The following TRAM2 variants were observed in gnomAD, a reference collection of about 807,000 sequenced individuals.
The protein encoded by TRAM2 is translocating chain-associated membrane protein 2.
In TRAM2, 12 loss-of-function variants were observed where a neutral mutation model predicts 51.0. That is an observed-to-expected ratio of 0.24 (90% CI 0.15 to 0.38). The LOEUF is 0.38. Ranked by LOEUF, TRAM2 falls within the 10% of genes least tolerant of loss-of-function variation. The probability of loss-of-function intolerance (pLI) is 1.00; values close to 1 mark genes in which losing one functional copy is unlikely to be tolerated. For missense variants in TRAM2, 361 were observed against 462.0 expected, an observed-to-expected ratio of 0.78 and a Z score of 2.00; for synonymous variants, 175 against 179.4, an observed-to-expected ratio of 0.98 and a Z score of 0.20.
At chr6:52,510,566 G>T (rs1766433075) in intron 4 of TRAM2, among the ~76,000 whole-genome samples, 1 of 152,156 alleles carries the variant, frequency 6.6e-6, no homozygotes, top group African/African-American at 2.4e-5. Context: ...ACCTCTGAAA[G>T]GCCACAATCT....
chr6:52,564,774 T>C (rs1265758195), intron 1 of TRAM2, among the ~76,000 whole-genome samples: 1 of 152,074 alleles, frequency 6.6e-6, no homozygotes, highest in Non-Finnish European at 1.5e-5. Context: ...GGTCCAAGTC[T>C]GGCTGAATGA....
Position 52,504,695 on chromosome 6 carries a change from T to A in TRAM2, c.935A>T (p.His312Leu). Residue 312 changes from histidine to leucine, a missense_variant, in exon 10 of 11, where the codon CAC becomes CTC. His to Leu is a moderately conservative substitution (Grantham distance 99). Coordinates refer to ENST00000182527, the MANE Select transcript of TRAM2 (RefSeq NM_012288.4). ...AQAWLMWRFI[H>L]SQLRHWREYW... Reference sequence around the variant, plus strand: ...TTCCCGCCAGTGCCGCAGCTGGGAGTGGATGAAGCGCCACATGAGCCAGGC... The same window carrying A: ...TTCCCGCCAGTGCCGCAGCTGGGAGAGGATGAAGCGCCACATGAGCCAGGC... The A allele has an allele frequency of 6.2e-7, 1 of 1,612,716 alleles. No individual in the cohort carries two copies. The highest frequency in any genetic ancestry group is 2.2e-5 in the East Asian group (1 of 44,828).
rs919146874 is a variant in TRAM2, at chr6:52,501,100, G to A, written c.*2097C>T. 6.6e-6 allele frequency: 1 copy of A among 152,232 alleles called. No individual in the cohort carries two copies. The highest frequency in any genetic ancestry group is 2.4e-5 in the African/African-American group (1 of 41,456). The allele number at this position is 152,232 out of a possible 1,614,324, so 9.4% of individuals were successfully genotyped here. On this transcript the variant is annotated 3_prime_UTR_variant, in exon 11 of 11. Coordinates refer to ENST00000182527, the MANE Select transcript of TRAM2 (RefSeq NM_012288.4). ...AAAGTGGCTAAGGGATCCCATATCA[G>A]GTCTGCTGTGTTGAAACCAAACTGC...
At chr6:52,522,370 A>T (rs915720890) in intron 2 of TRAM2, among the ~76,000 whole-genome samples, 1 of 152,246 alleles carries the variant, frequency 6.6e-6, no homozygotes, top group Non-Finnish European at 1.5e-5. Flanking sequence ...TGGAGTCCCA[A>T]TGTTTCAAAA....
intron 1 of TRAM2, among the ~76,000 whole-genome samples, chr6:52,557,791 T>C (rs9474246): frequency 0.021 from 3,229 of 152,252 alleles, 136 homozygotes; most frequent in African/African-American, 0.074. Flanking sequence ...GAGGTCTCCA[T>C]GGAAATGAAC....
At chr6:52,575,556 C>G (rs1767748944) in intron 1 of TRAM2, among the ~76,000 whole-genome samples, 1 of 152,174 alleles carries the variant, frequency 6.6e-6, no homozygotes. Context: ...TTGGCCACCA[C>G]AAGAACGTTC....
intron 3 of TRAM2, 82 bp from the exon 4 acceptor site, chr6:52,516,204 C>T: frequency 7.7e-7 from 1 of 1,294,668 alleles, no homozygotes; most frequent in Non-Finnish European, 1.1e-6. Flanking sequence ...ATTCTCCCCA[C>T]AGAAGGGTTG....
intron 1 of TRAM2, among the ~76,000 whole-genome samples, chr6:52,568,129 G>C (rs1767618909): frequency 6.6e-6 from 1 of 152,222 alleles, no homozygotes; most frequent in African/African-American, 2.4e-5. Context: ...TTTAATGGAA[G>C]AATCCAGGCC....
In TRAM2 at chr6:52,526,144, CACAG is replaced by C. The variant is rs573596174; in HGVS notation, c.185-9411_185-9408del. ...TGTTATGGCCATCCTAGGAAATACA[CACAG>C]ACAGACACACACACACACACACACA... On this transcript the variant is annotated intron_variant, in intron 2 of 10. Coordinates refer to ENST00000182527, the MANE Select transcript of TRAM2 (RefSeq NM_012288.4). 7.2e-3 allele frequency among the ~76,000 whole-genome samples: 165 copies of C among 22,908 alleles called. 1 individual carries two copies. The highest frequency in any genetic ancestry group is 0.028 in the South Asian group (12 of 430). The allele number at this position is 22,908 out of a possible 152,430, so 15.0% of individuals were successfully genotyped here. A position where few individuals can be genotyped will look rare whatever the true frequency, so the allele number is the denominator to read the frequency against.
intron 1 of TRAM2, among the ~76,000 whole-genome samples, chr6:52,558,335 C>T (rs1479713351): frequency 6.6e-6 from 1 of 152,154 alleles, no homozygotes; most frequent in Non-Finnish European, 1.5e-5. Flanking sequence ...TAAGGAGTAC[C>T]TCACCACTCT....
intron 4 of TRAM2, among the ~76,000 whole-genome samples, chr6:52,512,126 T>G (rs1188463532): frequency 6.6e-6 from 1 of 152,124 alleles, no homozygotes; most frequent in East Asian, 1.9e-4. Flanking sequence ...GAAGCAGGAA[T>G]GTACTTAGCA....
chr6:52,549,042 T>C (rs994218249), intron 1 of TRAM2, among the ~76,000 whole-genome samples: 2 of 152,166 alleles, frequency 1.3e-5, no homozygotes, highest in African/African-American at 4.8e-5. Flanking sequence ...AGAATCATGA[T>C]GGCACTGAGA....
chr6:52,531,065 A>G (rs1214717802), intron 2 of TRAM2, among the ~76,000 whole-genome samples: 1 of 147,390 alleles, frequency 6.8e-6, no homozygotes, highest in Non-Finnish European at 1.5e-5. Context: ...GAGTTGAGCA[A>G]GCTATACACT....
chr6:52,558,018 G>A (rs147703132), intron 1 of TRAM2, among the ~76,000 whole-genome samples: 7 of 152,256 alleles, frequency 4.6e-5, no homozygotes, highest in Non-Finnish European at 8.8e-5. Flanking sequence ...GGAAAGTCTA[G>A]GATACTATAT....
rs191028967 is a variant in TRAM2 at position 52,574,720 on chromosome 6, T to C, written c.120+2076A>G. On this transcript the variant is annotated intron_variant, in intron 1 of 10. Transcript: ENST00000182527. ...TGGGCCTTTCTCTTTCACCAGATAC[T>C]GGAAGTAACAGCTCTTAACACCTTT... 1.1e-4 allele frequency among the ~76,000 whole-genome samples: 16 copies of C among 152,312 alleles called. No homozygotes were observed. In the East Asian group the frequency reaches 2.7e-3, roughly 26 times the overall value.
Position 52,548,401 on chromosome 6 carries a change from A to C in TRAM2, c.121-12555T>G, listed in dbSNP as rs79591331. 5.2e-3 allele frequency among the ~76,000 whole-genome samples: 792 copies of C among 152,382 alleles called. 9 individuals are homozygous for C. Among genetic ancestry groups the C allele is most frequent in the African/African-American group, 0.018 (729 of 41,596 alleles). ...GCGACAATGACATCTAACGTGTGAGATCTTATGAAATGCCAGGCACTGTGC... is the reference window on the plus strand; with the variant it reads ...GCGACAATGACATCTAACGTGTGAGCTCTTATGAAATGCCAGGCACTGTGC... On this transcript the variant is annotated intron_variant, in intron 1 of 10. Coordinates refer to ENST00000182527, the MANE Select transcript of TRAM2 (RefSeq NM_012288.4).
intron 9 of TRAM2, 125 bp from the exon 10 acceptor site, chr6:52,504,879 C>T: frequency 1.3e-6 from 1 of 784,198 alleles, no homozygotes; most frequent in Admixed American, 2.6e-5. Context: ...CCGCCTTCAC[C>T]ACTGGCCCTC....
chr6:52,517,225 G>GGTATCTCCTATGGAGA (rs1173699881), intron 2 of TRAM2: 1 of 154,714 alleles, frequency 6.5e-6, no homozygotes, highest in African/African-American at 2.4e-5. Flanking sequence ...TCTGTCCTAT[G>GGTATCTCCTATGGAGA]TGACCCAGGG....
chr6:52,549,275 C>T (rs1457898839), intron 1 of TRAM2, among the ~76,000 whole-genome samples: 1 of 145,894 alleles, frequency 6.9e-6, no homozygotes, highest in African/African-American at 2.6e-5. Context: ...TCCCTCCCTC[C>T]CTCCCTTCCT....
Sources: allele counts gnomAD v4.1 joint callset (sites outside exome capture counted in the v4.1 genomes callset), GRCh38; gene constraint gnomAD v4.1.1; transcripts MANE v1.5; gene names NCBI Gene and HGNC (gene_info 2026-07-23, HGNC 2026-07-21).